Variants in CERS6 observed in about 807,000 individuals in gnomAD.
CERS6 encodes the protein LAG1 homolog, ceramide synthase 6.
A neutral mutation model predicts 56.8 loss-of-function variants in CERS6; 26 were observed. That is an observed-to-expected ratio of 0.46 (90% CI 0.34 to 0.63). The LOEUF (loss-of-function observed/expected upper bound fraction) is 0.63. Among genes scored for constraint, CERS6 ranks in the 30% least tolerant of loss-of-function variants. The pLI is 0.01. For synonymous variants in CERS6, 164 were observed against 173.3 expected, an observed-to-expected ratio of 0.95 and a Z score of 0.42; for missense variants, 415 against 467.5, an observed-to-expected ratio of 0.89 and a Z score of 1.04.
At chr2:168,627,268 T>A (rs780939706) in intron 3 of CERS6, among the ~76,000 whole-genome samples, 1 of 152,216 alleles carries the variant, frequency 6.6e-6, no homozygotes, top group African/African-American at 2.4e-5. Context: ...CAATGAAATT[T>A]AGGGCAATGA....
At chr2:168,760,992 C>G (rs977146177) in intron 8 of CERS6, among the ~76,000 whole-genome samples, 1 of 152,076 alleles carries the variant, frequency 6.6e-6, no homozygotes, top group Non-Finnish European at 1.5e-5. Context: ...CTCCTGACCT[C>G]GTGATCCGCC....
chr2:168,613,405 C>A (rs1684234997), intron 3 of CERS6, among the ~76,000 whole-genome samples: 1 of 151,972 alleles, frequency 6.6e-6, no homozygotes, highest in African/African-American at 2.4e-5. Context: ...CATTGACAGA[C>A]CAAGGGTGGT....
chr2:168,683,593 T>C (rs1302081514), intron 4 of CERS6, among the ~76,000 whole-genome samples: 2 of 152,212 alleles, frequency 1.3e-5, no homozygotes, highest in Non-Finnish European at 2.9e-5. Context: ...TCTCTCCCCG[T>C]GTGTTGACAT....
At chr2:168,755,250 TA>T (rs1477433436) in intron 8 of CERS6, among the ~76,000 whole-genome samples, 1 of 152,230 alleles carries the variant, frequency 6.6e-6, no homozygotes, top group Non-Finnish European at 1.5e-5. Context: ...ACTTTACAGT[TA>T]ATAATGAGAC....
chr2:168,703,807 G>A (rs1037724396), intron 6 of CERS6, among the ~76,000 whole-genome samples: 3 of 152,108 alleles, frequency 2.0e-5, no homozygotes, highest in Non-Finnish European at 4.4e-5. Context: ...TCTCATGATT[G>A]GAATTGCAAT....
rs533769003 is a variant in CERS6 at position 168,516,932 on chromosome 2, G to A, written c.171-30664G>A. Among the ~76,000 whole-genome samples the A allele has an allele frequency of 4.6e-5, 7 of 151,972 alleles. No individual in the cohort carries two copies. The East Asian group carries it at 1.4e-3, about 29-fold the overall frequency. On this transcript the variant is annotated intron_variant, in intron 1 of 9. Coordinates refer to ENST00000305747, the MANE Select transcript of CERS6 (RefSeq NM_203463.3). ...TGATCACAAGTCTGTCCAAATATAGGGCTTTGTCCTAAAATGGACAAGAAA... is the reference window on the plus strand; with the variant it reads ...TGATCACAAGTCTGTCCAAATATAGAGCTTTGTCCTAAAATGGACAAGAAA...
At chr2:168,606,090 C>T (rs1684046119) in intron 3 of CERS6, among the ~76,000 whole-genome samples, 1 of 152,172 alleles carries the variant, frequency 6.6e-6, no homozygotes, top group Non-Finnish European at 1.5e-5. Context: ...TCACTGCCAG[C>T]CCTGGAGAGC....
intron 8 of CERS6, among the ~76,000 whole-genome samples, chr2:168,742,992 A>G (rs534917366): frequency 2.0e-5 from 3 of 152,170 alleles, no homozygotes; most frequent in Admixed American, 1.3e-4. Context: ...CTTATTTGGA[A>G]TTTCGATTGC....
chr2:168,741,373 T>TAAAAAAA (rs200311434), intron 8 of CERS6, among the ~76,000 whole-genome samples: 1 of 147,080 alleles, frequency 6.8e-6, no homozygotes, highest in Non-Finnish European at 1.5e-5. Context: ...TTTGGAGAAT[T>TAAAAAAA]AAAAAAAAAA....
intron 3 of CERS6, among the ~76,000 whole-genome samples, chr2:168,572,073 A>C (rs1360461357): frequency 6.6e-6 from 1 of 152,200 alleles, no homozygotes; most frequent in Non-Finnish European, 1.5e-5. Context: ...GTACACCATG[A>C]CACACAGGCC....
intron 4 of CERS6, among the ~76,000 whole-genome samples, chr2:168,669,696 A>G (rs900608753): frequency 2.6e-5 from 4 of 152,214 alleles, no homozygotes; most frequent in Admixed American, 2.6e-4. Flanking sequence ...GTTGAAAATC[A>G]TTGCCCTTGT....
At chr2:168,543,122 G>A (rs956385982) in intron 1 of CERS6, among the ~76,000 whole-genome samples, 3 of 152,190 alleles carry the variant, frequency 2.0e-5, no homozygotes, top group Non-Finnish European at 4.4e-5. Context: ...TTGAAAAGTA[G>A]CAGTGTCTTA....
intron 4 of CERS6, among the ~76,000 whole-genome samples, chr2:168,667,471 C>G (rs1036225716): frequency 4.6e-5 from 7 of 152,138 alleles, no homozygotes; most frequent in Admixed American, 1.3e-4. Context: ...ATTCTGCACT[C>G]GATATGTTTT....
At position 168,474,921 on chromosome 2, in the gene CERS6, A is replaced by C. The variant is rs192130203; in HGVS notation, c.170+18303A>C. Among the ~76,000 whole-genome samples, 8 of 152,346 alleles carry C rather than the reference A, an allele frequency of 5.3e-5. No individual in the cohort carries two copies. In the East Asian group the frequency reaches 1.5e-3, roughly 29 times the overall value. On this transcript the variant is annotated intron_variant, in intron 1 of 9. Transcript: ENST00000305747. Reference sequence around the variant, plus strand: ...GTATGGGGCTTCCTAATAATTTATTATCAGAAGAATTACCTTATGATTAAG... The same window carrying C: ...GTATGGGGCTTCCTAATAATTTATTCTCAGAAGAATTACCTTATGATTAAG...
rs187345681 is a variant in CERS6, at chr2:168,540,696, C to T, written c.171-6900C>T. On this transcript the variant is annotated intron_variant, in intron 1 of 9. Transcript: ENST00000305747. ...TACTTTAAAGATGTTATTGCACTGT[C>T]GTTGAGCCTTCATAATTTCTGATGA... Among the ~76,000 whole-genome samples the T allele has an allele frequency of 3.2e-4, 49 of 152,322 alleles. 1 individual carries two copies. The East Asian group carries it at 8.7e-3, about 27-fold the overall frequency.
At chr2:168,573,312 A>C (rs1428608224) in intron 3 of CERS6, among the ~76,000 whole-genome samples, 2 of 152,190 alleles carry the variant, frequency 1.3e-5, no homozygotes, top group African/African-American at 4.8e-5. Flanking sequence ...GGGCTGAGTC[A>C]TCATATTGCA....
chr2:168,518,762 A>G (rs1342590622), intron 1 of CERS6, among the ~76,000 whole-genome samples: 1 of 152,148 alleles, frequency 6.6e-6, no homozygotes, highest in Non-Finnish European at 1.5e-5. Flanking sequence ...ATACTGACAC[A>G]TTGAAAATGG....
chr2:168,644,389 T>A, intron 4 of CERS6: 1 of 982,476 alleles, frequency 1.0e-6, no homozygotes, highest in Non-Finnish European at 1.2e-6. Flanking sequence ...GATATGAGAA[T>A]GATGAGAGGC....
chr2:168,620,014 TACACAC>T (rs1160024194), intron 3 of CERS6, among the ~76,000 whole-genome samples: 1,370 of 61,182 alleles, frequency 0.022, 23 homozygotes, highest in African/African-American at 0.055. Flanking sequence ...CCACAATCCA[TACACAC>T]ACACACACAC....
Sources: allele counts gnomAD v4.1 joint callset (sites outside exome capture counted in the v4.1 genomes callset), GRCh38; gene constraint gnomAD v4.1.1; transcripts MANE v1.5; gene names NCBI Gene and HGNC (gene_info 2026-07-23, HGNC 2026-07-21).